The following PTPRD variants were observed in gnomAD, a reference collection of about 807,000 sequenced individuals.
PTPRD encodes protein tyrosine phosphatase receptor type D.
A neutral mutation model predicts 214.5 loss-of-function variants in PTPRD; 34 were observed. The observed-to-expected ratio is 0.16, with a 90% CI of 0.12 to 0.21. The LOEUF (loss-of-function observed/expected upper bound fraction) is 0.21, where lower values mean the gene tolerates loss of function less well. PTPRD is among the 10% of genes least tolerant of loss of function. The pLI is 1.00. For missense variants in PTPRD, 2,545 were observed against 2,398.7 expected (o/e 1.06, Z -1.27); for synonymous variants, 1,128 against 845.7 (o/e 1.33, Z -5.79).
intron 8 of PTPRD, chr9:9,442,169 T>A (rs889095911): frequency 5.3e-5 from 8 of 152,152 alleles, no homozygotes; most frequent in Non-Finnish European, 1.2e-4. Context: ...CGATCGGGTG[T>A]CCGCACTAAG....
At chr9:10,504,113 C>T (rs1426507237) in intron 2 of PTPRD, among the ~76,000 whole-genome samples, 1 of 1,742 alleles carries the variant, frequency 5.7e-4, no homozygotes, top group Non-Finnish European at 4.9e-3. Flanking sequence ...GAGACTCTGT[C>T]TCAAAAAAAA....
chr9:8,675,538 C>CAAAAAAA (rs61509653), intron 12 of PTPRD, among the ~76,000 whole-genome samples: 3 of 49,114 alleles, frequency 6.1e-5, no homozygotes, highest in African/African-American at 2.6e-4. Context: ...CACACACACA[C>CAAAAAAA]AAAAAAAAAA....
At chr9:9,450,194 T>C (rs1308647282) in intron 8 of PTPRD, among the ~76,000 whole-genome samples, 4 of 152,048 alleles carry the variant, frequency 2.6e-5, no homozygotes, top group South Asian at 4.1e-4. Context: ...TGGTTCCATA[T>C]TTTTGCAATT....
Position 9,001,115 on chromosome 9 carries a change from C to T in PTPRD, c.-104+17582G>A, listed in dbSNP as rs530362414. 3.9e-4 allele frequency among the ~76,000 whole-genome samples: 60 copies of T among 152,034 alleles called. 1 individual carries two copies. The highest frequency in any genetic ancestry group is 1.8e-3 in the Admixed American group (27 of 15,238). Reference sequence around the variant, plus strand: ...TAGGGGAATTAATTAAAAAAGGCACCGGTTACTAATGAAGCACTTTTGATT... The same window carrying T: ...TAGGGGAATTAATTAAAAAAGGCACTGGTTACTAATGAAGCACTTTTGATT... On this transcript the variant is annotated intron_variant, in intron 11 of 45. Coordinates refer to ENST00000381196, the MANE Select transcript of PTPRD (RefSeq NM_002839.4).
chr9:9,007,923 A>T (rs1371501732), intron 11 of PTPRD, among the ~76,000 whole-genome samples: 22 of 60,476 alleles, frequency 3.6e-4, no homozygotes, highest in African/African-American at 4.2e-4. Context: ...CATTTTTTTT[A>T]AATTTTATTA....
chr9:10,503,199 AAAAAAAAAC>A (rs1555437113), intron 2 of PTPRD, among the ~76,000 whole-genome samples: 11 of 132,104 alleles, frequency 8.3e-5, no homozygotes, highest in African/African-American at 3.3e-4. Flanking sequence ...AATACAAAAA[AAAAAAAAAC>A]AAAAAAAAAC....
intron 2 of PTPRD, among the ~76,000 whole-genome samples, chr9:10,454,751 A>C (rs145873812): frequency 6.6e-6 from 1 of 151,738 alleles, no homozygotes; most frequent in East Asian, 1.9e-4. Flanking sequence ...TCATCCATTT[A>C]CTTGCTTCCC....
At chr9:8,617,861 C>G (rs1595382806) in intron 14 of PTPRD, among the ~76,000 whole-genome samples, 1 of 152,186 alleles carries the variant, frequency 6.6e-6, no homozygotes, top group East Asian at 1.9e-4. Context: ...ACGGCAATTT[C>G]AGCACAGAAC....
intron 3 of PTPRD, among the ~76,000 whole-genome samples, chr9:10,236,026 C>A (rs1432129131): frequency 2.6e-5 from 4 of 151,876 alleles, no homozygotes; most frequent in Non-Finnish European, 5.9e-5. Flanking sequence ...TGGATTTACA[C>A]TAGAAAACAG....
intron 2 of PTPRD, among the ~76,000 whole-genome samples, chr9:10,514,958 TTGA>T (rs1286580303): frequency 6.6e-6 from 1 of 152,060 alleles, no homozygotes; most frequent in Non-Finnish European, 1.5e-5. Context: ...TATAAAATTG[TTGA>T]TGATTTTTAT....
chr9:8,580,224 G>A (rs947182510), intron 14 of PTPRD, among the ~76,000 whole-genome samples: 2 of 152,120 alleles, frequency 1.3e-5, no homozygotes, highest in Non-Finnish European at 2.9e-5. Context: ...AAGGAACAAG[G>A]TAATATGCAA....
chr9:8,447,509 T>A (rs149615041), intron 34 of PTPRD, among the ~76,000 whole-genome samples: 9 of 152,306 alleles, frequency 5.9e-5, no homozygotes, highest in African/African-American at 2.2e-4. Context: ...AGTTTGGCCA[T>A]ATTTGCAAAA....
At chr9:9,799,210 T>G (rs1472367225) in intron 5 of PTPRD, among the ~76,000 whole-genome samples, 1 of 152,256 alleles carries the variant, frequency 6.6e-6, no homozygotes, top group South Asian at 2.1e-4. Flanking sequence ...GAAGAGCACA[T>G]TAAATGCTAA....
At chr9:10,524,563 ATGT>A (rs1008154991) in intron 2 of PTPRD, among the ~76,000 whole-genome samples, 3 of 152,066 alleles carry the variant, frequency 2.0e-5, no homozygotes, top group African/African-American at 7.2e-5. Context: ...TATGAAGTCA[ATGT>A]TGTATTCCGT....
chr9:9,575,715 C>A (rs1405118954), intron 7 of PTPRD, among the ~76,000 whole-genome samples: 2 of 17,700 alleles, frequency 1.1e-4, no homozygotes, highest in Non-Finnish European at 1.9e-4. Context: ...GCAAGACTGT[C>A]TCAAAAAAAA....
intron 9 of PTPRD, among the ~76,000 whole-genome samples, chr9:9,281,374 A>G (rs957433570): frequency 6.6e-5 from 10 of 151,360 alleles, no homozygotes; most frequent in South Asian, 4.1e-4. Flanking sequence ...TATTCAAAAT[A>G]TGCAAACAAC....
intron 4 of PTPRD, among the ~76,000 whole-genome samples, chr9:10,013,161 A>G (rs2096635222): frequency 6.6e-6 from 1 of 151,766 alleles, no homozygotes; most frequent in African/African-American, 2.4e-5. Context: ...ATAAGTCTTT[A>G]TTGTCATGAT....
intron 9 of PTPRD, among the ~76,000 whole-genome samples, chr9:9,304,726 T>G: frequency 6.6e-6 from 1 of 151,436 alleles, no homozygotes; most frequent in East Asian, 1.9e-4. Flanking sequence ...AGATTTTATA[T>G]GTATATTTTC....
intron 5 of PTPRD, among the ~76,000 whole-genome samples, chr9:9,920,678 A>G (rs1265505239): frequency 6.6e-6 from 1 of 152,144 alleles, no homozygotes; most frequent in Non-Finnish European, 1.5e-5. Context: ...TTTCTTCCTC[A>G]GTTGAATAAG....
Sources: gnomAD v4.1 joint callset for allele counts (sites outside exome capture counted in the v4.1 genomes callset) on GRCh38, gnomAD v4.1.1 for gene constraint, MANE v1.5 for transcripts, NCBI Gene and HGNC (gene_info 2026-07-23, HGNC 2026-07-21) for gene names.